The following TMEM94 variants were observed in gnomAD, a reference collection of about 807,000 sequenced individuals.
TMEM94 encodes ER Mg2+ ATPase.
A neutral mutation model predicts 158.6 loss-of-function variants in TMEM94; 81 were observed. The observed-to-expected ratio is 0.51, with a 90% CI of 0.43 to 0.61. The LOEUF (loss-of-function observed/expected upper bound fraction) is 0.61. TMEM94 is among the 20% of genes least tolerant of loss of function. The probability of loss-of-function intolerance (pLI) is 0.00; values close to 1 mark genes in which losing one functional copy is unlikely to be tolerated. For synonymous variants in TMEM94, 751 were observed against 730.7 expected (o/e 1.03, Z -0.45); for missense variants, 1,435 against 1,762.0 (o/e 0.81, Z 3.32).
In TMEM94 at chr17:75,486,411, A is replaced by G. The variant is rs552413909; in HGVS notation, c.394A>G (p.Ile132Val). 2 of 1,614,204 alleles carry G rather than the reference A, an allele frequency of 1.2e-6. No homozygotes were observed. Among genetic ancestry groups the G allele is most frequent in the South Asian group, 2.2e-5 (2 of 91,086 alleles). Residue 132 changes from isoleucine to valine, a missense_variant, in exon 5 of 32, where the codon ATT becomes GTT. This residue lies in a region of TMEM94 where 1,051 missense variants were observed against 1,254.4 expected (regional missense o/e 0.84). Coordinates refer to ENST00000314256, the MANE Select transcript of TMEM94 (RefSeq NM_014738.6). ...GGTAGAGCGGAGGCTGCGAGGGATC[A>G]TTGACCAAATCCAAGGTGAGGTCAA... Reference protein sequence around the residue: ...REVERRLRGIIDQIQDALRDG... With the variant: ...REVERRLRGIVDQIQDALRDG...
chr17:75,461,926 A>AAG (rs2050084506), intron 1 of TMEM94, among the ~76,000 whole-genome samples: 1 of 150,612 alleles, frequency 6.6e-6, no homozygotes, highest in Non-Finnish European at 1.5e-5. Context: ...AAAAAAAAAA[A>AAG]GAAAAGAAAT....
chr17:75,498,179 A>G lies in TMEM94; in HGVS notation c.3494A>G (p.Gln1165Arg). ...TGACTGGCCTTGTTCCCGCAGACCC[A>G]GCACTACTTCCTGCTCTGCTTCCTG... ...KNLQSIPKKT[Q>R]HYFLLCFLLK... The change falls in exon 28 of 32, where the codon CAG (glutamine) becomes CGG (arginine). Residue 1165 changes from glutamine (Q) to arginine (R), a missense_variant. By Grantham distance (43) the Gln-to-Arg change is conservative. This residue lies in a region of TMEM94 where 335 missense variants were observed against 409.1 expected (regional missense o/e 0.82). Transcript: ENST00000314256. This position sits in a 1 kb window ranked among gnomAD's most constrained non-coding sequence, Gnocchi z 6.7. 1.2e-6 allele frequency: 2 copies of G among 1,613,854 alleles called. No homozygotes were observed. Among genetic ancestry groups the G allele is most frequent in the Non-Finnish European group, 1.7e-6 (2 of 1,180,008 alleles).
intron 1 of TMEM94, among the ~76,000 whole-genome samples, chr17:75,465,679 A>ATATATATTTTTTTTTTTTTTTTTTTT (rs1247855961): frequency 8.0e-6 from 1 of 124,846 alleles, no homozygotes; most frequent in African/African-American, 3.5e-5. Context: ...ATATATATAT[A>ATATATATTTTTTTTTTTTTTTTTTTT]TTTTTTTTTA....
At chr17:75,479,501 A>G (rs934490662) in intron 2 of TMEM94, among the ~76,000 whole-genome samples, 15 of 150,366 alleles carry the variant, frequency 1.0e-4, no homozygotes, top group African/African-American at 3.2e-4. Context: ...TGTATTTTTA[A>G]TAGAGACAGG....
Position 75,497,118 on chromosome 17 carries a change from T to C in TMEM94, c.3327T>C (p.Leu1109=). The C allele has an allele frequency of 6.2e-7, 1 of 1,614,018 alleles. No homozygotes were observed. The highest frequency in any genetic ancestry group is 8.5e-7 in the Non-Finnish European group (1 of 1,179,912). Residue 1109 remains leucine (L), a synonymous_variant, in exon 26 of 32, where the codon CTT becomes CTC. Coordinates refer to ENST00000314256, the MANE Select transcript of TMEM94 (RefSeq NM_014738.6). ...TGGCTTCTTTCCTGGTCTAGTTCCTTTCTTGCCTGGTCCAGCTGCCGCCAC... is the reference window on the plus strand; with the variant it reads ...TGGCTTCTTTCCTGGTCTAGTTCCTCTCTTGCCTGGTCCAGCTGCCGCCAC... The part of the protein sequence containing the change: ...CQLTLVVIQF[L]SCLVQLPPLL...
intron 2 of TMEM94, among the ~76,000 whole-genome samples, chr17:75,477,212 A>T (rs1014171832): frequency 6.6e-6 from 1 of 152,148 alleles, no homozygotes; most frequent in Non-Finnish European, 1.5e-5. Flanking sequence ...GGGTGAAAGT[A>T]CTAAGGTCAG....
chr17:75,476,823 G>C, intron 2 of TMEM94: 2 of 1,527,980 alleles, frequency 1.3e-6, no homozygotes, highest in Non-Finnish European at 1.8e-6. Flanking sequence ...TCGGGTTAGC[G>C]GTTGCTGTGA....
Position 75,494,866 on chromosome 17 carries a change from C to G in TMEM94, c.2590-30C>G. 2.5e-6 allele frequency: 4 copies of G among 1,613,200 alleles called. No homozygotes were observed. The South Asian group carries it at 4.4e-5, about 18-fold the overall frequency. On this transcript the variant is annotated intron_variant, in intron 19 of 31. Coordinates refer to ENST00000314256, the MANE Select transcript of TMEM94 (RefSeq NM_014738.6). The stretch of plus-strand genomic sequence containing the variant: ...CTCTGTTTCCACGGGCTTTTGGGCC[C>G]GTATGTTCATGGCCGTCTGCCTTTC...
chr17:75,478,108 C>T lies in TMEM94; in HGVS notation c.24+6179C>T, dbSNP rs372588636. 1.3e-4 allele frequency among the ~76,000 whole-genome samples: 17 copies of T among 128,784 alleles called. No homozygotes were observed. The East Asian group carries it at 1.5e-3, about 11-fold the overall frequency. 84.5% of individuals were successfully genotyped at this position (128,784 alleles called of 152,430 possible). ...TCGGCTCACTGCAAGCTCCGCCTCC[C>T]GGGTTCACGCCATTCTCCTGCCTCA... On this transcript the variant is annotated intron_variant, in intron 2 of 31. Transcript: ENST00000314256.
chr17:75,492,043 C>T lies in TMEM94; in HGVS notation c.1596+143C>T. The T allele has an allele frequency of 4.5e-6, 4 of 886,594 alleles. No homozygotes were observed. The highest frequency in any genetic ancestry group is 6.9e-6 in the Non-Finnish European group (4 of 583,236). 54.9% of individuals were successfully genotyped at this position (886,594 alleles called of 1,614,324 possible). A position where few individuals can be genotyped will look rare whatever the true frequency, so the allele number is the denominator to read the frequency against. On this transcript the variant is annotated intron_variant, in intron 14 of 31. Transcript: ENST00000314256. The surrounding 1 kb of genome is among the most constrained non-coding windows in gnomAD (Gnocchi z 4.4). ...GCACCTCCAGGCTAGGCCAGTGGTC[C>T]CTGAGGCCCTCCCCAAGTCTGCTGC...
intron 2 of TMEM94, among the ~76,000 whole-genome samples, chr17:75,479,231 G>A (rs1378287280): frequency 6.6e-6 from 1 of 152,164 alleles, no homozygotes; most frequent in Admixed American, 6.5e-5. Flanking sequence ...CCTATGGGAG[G>A]CGGGAGGATT....
At chr17:75,497,265 GC>G in intron 26 of TMEM94, 67 bp downstream of exon 26, 2 of 1,330,278 alleles carry the variant, frequency 1.5e-6, no homozygotes, top group Non-Finnish European at 1.1e-6. Flanking sequence ...TCACTGTGCA[GC>G]CCCAGGAGCC....
intron 4 of TMEM94, 142 bp downstream of exon 4, chr17:75,486,140 T>A: frequency 7.0e-7 from 1 of 1,438,560 alleles, no homozygotes; most frequent in Non-Finnish European, 9.4e-7. Context: ...GTCCCTTGAA[T>A]GGGGTCAGAG....
chr17:75,496,060 C>T lies in TMEM94; in HGVS notation c.3039C>T (p.Leu1013=), dbSNP rs1255565226. 1 of 1,611,656 alleles carries T rather than the reference C, an allele frequency of 6.2e-7. No homozygotes were observed. The highest frequency in any genetic ancestry group is 2.2e-5 in the East Asian group (1 of 44,794). Residue 1013 remains leucine (L), a synonymous_variant, in exon 23 of 32, where the codon CTC becomes CTT. Transcript: ENST00000314256. ...ACCTGCGGAACAGCTGCCTCTTCCTCCAGAGCGACATCAGGTCAGGGCGGG... is the reference window on the plus strand; with the variant it reads ...ACCTGCGGAACAGCTGCCTCTTCCTTCAGAGCGACATCAGGTCAGGGCGGG... ...SANLRNSCLF[L]QSDISIALDP...
chr17:75,488,228 G>C, intron 6 of TMEM94, 94 bp downstream of exon 6: 1 of 1,263,002 alleles, frequency 7.9e-7, no homozygotes, highest in Non-Finnish European at 1.1e-6. Flanking sequence ...GAAGCTTCCC[G>C]GCCAGCTTAC....
At chr17:75,482,524 A>ATATATG (rs1032988776) in intron 2 of TMEM94, among the ~76,000 whole-genome samples, 5 of 145,212 alleles carry the variant, frequency 3.4e-5, no homozygotes, top group African/African-American at 7.6e-5. Context: ...AAATATATAT[A>ATATATG]TATGTATGTA....
At chr17:75,460,558 T>C (rs973553126) in intron 1 of TMEM94, among the ~76,000 whole-genome samples, 1 of 149,194 alleles carries the variant, frequency 6.7e-6, no homozygotes, top group African/African-American at 2.5e-5. Context: ...CTGTAGCCCA[T>C]GTTGGAGTGC....
chr17:75,460,708 T>G (rs753124545), intron 1 of TMEM94, among the ~76,000 whole-genome samples: 50 of 152,082 alleles, frequency 3.3e-4, no homozygotes, highest in Non-Finnish European at 6.6e-4. Flanking sequence ...AGACGGTTCT[T>G]GCCCTGTTGC....
At chr17:75,471,713 C>CAA (rs148275503) in intron 1 of TMEM94, 87 bp from the exon 2 acceptor site, 1,073 of 439,672 alleles carry the variant, frequency 2.4e-3, no homozygotes, top group Non-Finnish European at 2.9e-3. Context: ...GACTCCGTCT[C>CAA]AAAAAAAAAA....
Sources: allele counts gnomAD v4.1 joint callset (sites outside exome capture counted in the v4.1 genomes callset), GRCh38; gene constraint gnomAD v4.1.1; regional missense constraint gnomAD v4.1.1; non-coding constraint Gnocchi (gnomAD v3.1); transcripts MANE v1.5; gene names NCBI Gene and HGNC (gene_info 2026-07-23, HGNC 2026-07-21).